The following GTF3C5 variants were observed in gnomAD, a reference collection of about 807,000 sequenced individuals.
The protein encoded by GTF3C5 is general transcription factor 3C polypeptide 5.
A neutral mutation model predicts 61.0 loss-of-function variants in GTF3C5; 47 were observed. The observed-to-expected ratio is 0.77, with a 90% CI of 0.61 to 0.98. The LOEUF is 0.98. GTF3C5 is among the 50% of genes least tolerant of loss of function. The pLI is 0.00. For synonymous variants in GTF3C5, 295 were observed against 275.4 expected, an observed-to-expected ratio of 1.07 and a Z score of -0.71; for missense variants, 659 against 703.3, an observed-to-expected ratio of 0.94 and a Z score of 0.71.
At chr9:133,041,014 G>A (rs1423398059) in intron 1 of GTF3C5, among the ~76,000 whole-genome samples, 5 of 152,222 alleles carry the variant, frequency 3.3e-5, no homozygotes, top group African/African-American at 9.7e-5. Flanking sequence ...GGAGCTGAGG[G>A]GACATGGTGA....
At chr9:133,055,098 G>A (rs1194813324) in intron 8 of GTF3C5, 1 of 1,550,276 alleles carries the variant, frequency 6.5e-7, no homozygotes, top group Non-Finnish European at 8.7e-7. Context: ...TGGGAGCCTG[G>A]GCCCCCACTG....
At chr9:133,042,637 C>T (rs1019182970) in intron 2 of GTF3C5, among the ~76,000 whole-genome samples, 1 of 152,246 alleles carries the variant, frequency 6.6e-6, no homozygotes, top group Non-Finnish European at 1.5e-5. Flanking sequence ...TTTGAACCTT[C>T]TCTTGTCTCG....
chr9:133,055,024 T>A (rs1361478897), intron 8 of GTF3C5: 2 of 1,551,580 alleles, frequency 1.3e-6, no homozygotes, highest in Admixed American at 2.0e-5. Flanking sequence ...GGCGAAGAGG[T>A]GGTGACAAGT....
chr9:133,030,778 C>G, upstream of GTF3C5: 1 of 631,260 alleles, frequency 1.6e-6, no homozygotes, highest in Non-Finnish European at 2.9e-6. Flanking sequence ...GGTGGACTAA[C>G]TCGCTTAATT....
At chr9:133,043,948 C>T in intron 3 of GTF3C5, 22 bp downstream of exon 3, 1 of 1,573,588 alleles carries the variant, frequency 6.4e-7, no homozygotes, top group Non-Finnish European at 8.7e-7. Flanking sequence ...CTCCATGCAG[C>T]CTCGGTTCTC....
At chr9:133,035,918 A>G (rs1381441278) in intron 1 of GTF3C5, among the ~76,000 whole-genome samples, 2 of 152,174 alleles carry the variant, frequency 1.3e-5, no homozygotes, top group East Asian at 3.8e-4. Context: ...TTCCAAAGGT[A>G]TGAGCTAGCC....
chr9:133,048,871 A>G (rs563202255), intron 3 of GTF3C5, among the ~76,000 whole-genome samples: 2 of 152,320 alleles, frequency 1.3e-5, no homozygotes, highest in East Asian at 1.9e-4. Flanking sequence ...GCACCTGGAA[A>G]GAACCTGCAT....
intron 1 of GTF3C5, among the ~76,000 whole-genome samples, chr9:133,039,084 T>C (rs535467206): frequency 6.6e-6 from 1 of 152,264 alleles, no homozygotes; most frequent in South Asian, 2.1e-4. Context: ...AAGGAACTTG[T>C]TCGAGGTCAC....
Position 133,056,841 on chromosome 9 carries a change from G to A in GTF3C5, c.1326G>A (p.Lys442=), listed in dbSNP as rs1288059143. ...AACGGGATGGGTGGTGCCTCCCCAA[G>A]ACCAGCGACGAGCTCAGGGACACCA... ...CTERDGWCLP[K]TSDELRDTMS... Residue 442 remains lysine (K), a synonymous_variant, in exon 10 of 11, where the codon AAG becomes AAA. Transcript: ENST00000372097. 1 of 1,612,294 alleles carries A rather than the reference G, an allele frequency of 6.2e-7. No homozygotes were observed.
intron 8 of GTF3C5, chr9:133,055,615 T>C: frequency 1.0e-6 from 1 of 985,368 alleles, no homozygotes. Flanking sequence ...AGAAAAGATG[T>C]CAGGGCAGCC....
intron 1 of GTF3C5, among the ~76,000 whole-genome samples, chr9:133,041,780 A>G (rs540872371): frequency 4.2e-4 from 64 of 152,300 alleles, no homozygotes; most frequent in African/African-American, 1.2e-3. Context: ...CTACAAAGAT[A>G]AGGGTGATAG....
At chr9:133,040,048 T>C (rs1243072581) in intron 1 of GTF3C5, among the ~76,000 whole-genome samples, 1 of 152,180 alleles carries the variant, frequency 6.6e-6, no homozygotes, top group Non-Finnish European at 1.5e-5. Context: ...TTCTCTTGAT[T>C]TATGGCTTTG....
chr9:133,052,525 C>T (rs2119025335), intron 5 of GTF3C5, among the ~76,000 whole-genome samples: 1 of 152,238 alleles, frequency 6.6e-6, no homozygotes, highest in Non-Finnish European at 1.5e-5. Flanking sequence ...AACCCAGCCC[C>T]TGACCACAGC....
At chr9:133,033,247 A>G (rs1358029362) in intron 1 of GTF3C5, among the ~76,000 whole-genome samples, 5 of 152,146 alleles carry the variant, frequency 3.3e-5, no homozygotes, top group Non-Finnish European at 7.3e-5. Flanking sequence ...ACGAGGGTCA[A>G]AGGAACCACG....
rs1017556590 is a variant in GTF3C5 at position 133,058,132 on chromosome 9, C to G, written c.*152C>G. ...AGTCCCAGCAAAGGGTGCAGCTGAC[C>G]CTAGCACTGGCTGTGACATGCTGCT... is the stretch of plus-strand genomic sequence containing the variant. On this transcript the variant is annotated 3_prime_UTR_variant, in exon 11 of 11. Coordinates refer to ENST00000372097, the MANE Select transcript of GTF3C5 (RefSeq NM_012087.4). 15 of 1,474,612 alleles carry G rather than the reference C, an allele frequency of 1.0e-5. No individual in the cohort carries two copies. The South Asian group carries it at 1.3e-4, about 12-fold the overall frequency. The allele number at this position is 1,474,612 out of a possible 1,614,324, so 91.3% of individuals were successfully genotyped here. A position where few individuals can be genotyped will look rare whatever the true frequency, so the allele number is the denominator to read the frequency against.
chr9:133,033,166 G>A (rs1040920505), intron 1 of GTF3C5, among the ~76,000 whole-genome samples: 1 of 152,032 alleles, frequency 6.6e-6, no homozygotes, highest in African/African-American at 2.4e-5. Context: ...CTCAAATCCC[G>A]CAGCTATTTG....
At chr9:133,049,943 C>T (rs1850321186) in intron 3 of GTF3C5, among the ~76,000 whole-genome samples, 1 of 152,168 alleles carries the variant, frequency 6.6e-6, no homozygotes, top group Non-Finnish European at 1.5e-5. Flanking sequence ...CGTCGTCACC[C>T]AGTGTCCGTA....
chr9:133,040,024 C>G lies in GTF3C5; in HGVS notation c.154-2063C>G, dbSNP rs574255554. On this transcript the variant is annotated intron_variant, in intron 1 of 10. Coordinates refer to ENST00000372097, the MANE Select transcript of GTF3C5 (RefSeq NM_012087.4). ...GTAGAGCCCCAGTTAATCACGTTTT[C>G]TTCTTTTATATTATTCTCTTGATTT... Among the ~76,000 whole-genome samples the G allele has an allele frequency of 2.6e-4, 39 of 152,272 alleles. 1 individual carries two copies. In the South Asian group the frequency reaches 5.0e-3, roughly 19 times the overall value.
At chr9:133,039,093 A>C (rs566038694) in intron 1 of GTF3C5, among the ~76,000 whole-genome samples, 17 of 152,314 alleles carry the variant, frequency 1.1e-4, no homozygotes, top group African/African-American at 4.1e-4. Flanking sequence ...GTTCGAGGTC[A>C]CACAGCAAGT....
Sources: gnomAD v4.1 joint callset for allele counts (sites outside exome capture counted in the v4.1 genomes callset) on GRCh38, gnomAD v4.1.1 for gene constraint, MANE v1.5 for transcripts, NCBI Gene and HGNC (gene_info 2026-07-23, HGNC 2026-07-21) for gene names.